The following IMMP2L variants were observed in gnomAD, a reference collection of about 807,000 sequenced individuals.
IMMP2L encodes inner mitochondrial membrane peptidase subunit 2.
IMMP2L carries 18 observed loss-of-function variants against 19.3 expected under a neutral mutation model. The ratio of observed to expected loss-of-function variants is 0.93; its 90% CI spans 0.64 to 1.38. The LOEUF is 1.38. IMMP2L is among the 40% of genes most tolerant of loss of function. The pLI is 0.00. For missense variants in IMMP2L, 233 were observed against 218.2 expected, an observed-to-expected ratio of 1.07 and a Z score of -0.43; for synonymous variants, 76 against 73.0, an observed-to-expected ratio of 1.04 and a Z score of -0.21.
At chr7:110,750,036 C>T (rs1797625923) in intron 5 of IMMP2L, among the ~76,000 whole-genome samples, 1 of 151,948 alleles carries the variant, frequency 6.6e-6, no homozygotes, top group Non-Finnish European at 1.5e-5. Flanking sequence ...AAATATGTCA[C>T]TAAAATAAAA....
intron 3 of IMMP2L, among the ~76,000 whole-genome samples, chr7:111,281,049 A>G (rs377128075): frequency 6.6e-6 from 1 of 151,090 alleles, no homozygotes; most frequent in Non-Finnish European, 1.5e-5. Context: ...CAGCCTGGGC[A>G]ACAGAGCGAG....
Position 111,482,091 on chromosome 7 carries a change from G to T in IMMP2L, c.239+5147C>A, listed in dbSNP as rs1842241351. Among the ~76,000 whole-genome samples the T allele has an allele frequency of 2.0e-5, 3 of 152,114 alleles. No individual in the cohort carries two copies. The South Asian group carries it at 6.2e-4, about 32-fold the overall frequency. ...TAGCATTTTAGTAATATATTTATTT[G>T]CATGAATATATCCAAATTATTATGA... On this transcript the variant is annotated intron_variant, in intron 3 of 5. Coordinates refer to ENST00000405709, the MANE Select transcript of IMMP2L (RefSeq NM_032549.4).
chr7:110,742,067 C>T (rs1797023903), intron 5 of IMMP2L, among the ~76,000 whole-genome samples: 2 of 152,092 alleles, frequency 1.3e-5, no homozygotes, highest in South Asian at 4.1e-4. Context: ...AGGCTAGACG[C>T]TTAACGTAGC....
chr7:111,517,461 GATA>G (rs1016283974), intron 2 of IMMP2L, among the ~76,000 whole-genome samples: 65 of 138,920 alleles, frequency 4.7e-4, no homozygotes, highest in African/African-American at 1.6e-3. Flanking sequence ...AAAAAAAAAA[GATA>G]ATGACACAAA....
intron 3 of IMMP2L, among the ~76,000 whole-genome samples, chr7:111,352,411 G>T (rs1456273889): frequency 1.5e-5 from 2 of 135,808 alleles, no homozygotes; most frequent in Admixed American, 7.9e-5. Flanking sequence ...GTATCACTGT[G>T]TTGACCAGGC....
chr7:110,960,187 C>G (rs1818787904), intron 4 of IMMP2L, among the ~76,000 whole-genome samples: 1 of 151,806 alleles, frequency 6.6e-6, no homozygotes, highest in Non-Finnish European at 1.5e-5. Context: ...TTAAAAATAG[C>G]TTTATTAAGA....
At chr7:111,292,546 C>A (rs1563020604) in intron 3 of IMMP2L, among the ~76,000 whole-genome samples, 1 of 151,886 alleles carries the variant, frequency 6.6e-6, no homozygotes, top group Non-Finnish European at 1.5e-5. Flanking sequence ...TTCCAGAGTA[C>A]TGGCATCCTA....
At chr7:111,500,353 T>C (rs1190965193) in intron 2 of IMMP2L, among the ~76,000 whole-genome samples, 1 of 152,202 alleles carries the variant, frequency 6.6e-6, no homozygotes, top group Non-Finnish European at 1.5e-5. Flanking sequence ...GAGGCCTGCC[T>C]GCCTCTGTAG....
chr7:111,268,728 G>T (rs1348059089), intron 3 of IMMP2L, among the ~76,000 whole-genome samples: 1 of 150,404 alleles, frequency 6.6e-6, no homozygotes, highest in Non-Finnish European at 1.5e-5. Flanking sequence ...CCAATAGCTG[G>T]GACCACAGGC....
intron 3 of IMMP2L, among the ~76,000 whole-genome samples, chr7:111,204,743 A>C (rs1586819248): frequency 6.6e-6 from 1 of 152,314 alleles, no homozygotes; most frequent in East Asian, 1.9e-4. Flanking sequence ...TCCCCCATTT[A>C]AAGATAAAGA....
chr7:110,879,466 C>G (rs116895331), intron 5 of IMMP2L, among the ~76,000 whole-genome samples: 3,903 of 152,068 alleles, frequency 0.026, 68 homozygotes, highest in Middle Eastern at 0.075. Context: ...CTGTATGCTC[C>G]CACTCTGCTT....
chr7:111,529,393 T>A (rs1436568980), intron 1 of IMMP2L, among the ~76,000 whole-genome samples: 1 of 152,182 alleles, frequency 6.6e-6, no homozygotes, highest in Non-Finnish European at 1.5e-5. Context: ...GAAAGCAATT[T>A]AAAAAATTTT....
chr7:111,349,406 A>T (rs1488343592), intron 3 of IMMP2L, among the ~76,000 whole-genome samples: 1 of 152,060 alleles, frequency 6.6e-6, no homozygotes, highest in Non-Finnish European at 1.5e-5. Context: ...CTCACTATGG[A>T]AAAAAAAGTG....
intron 3 of IMMP2L, among the ~76,000 whole-genome samples, chr7:111,017,768 G>A (rs1193039222): frequency 6.6e-6 from 1 of 152,110 alleles, no homozygotes; most frequent in African/African-American, 2.4e-5. Context: ...GGCTCACAAA[G>A]ATCCAGACAA....
chr7:110,768,459 G>C (rs977611288), intron 5 of IMMP2L, among the ~76,000 whole-genome samples: 14 of 152,088 alleles, frequency 9.2e-5, no homozygotes, highest in African/African-American at 3.1e-4. Flanking sequence ...GTTTTAAGTA[G>C]AGAGAGGAGT....
intron 3 of IMMP2L, among the ~76,000 whole-genome samples, chr7:111,440,530 A>C (rs1465370774): frequency 6.6e-6 from 1 of 151,886 alleles, no homozygotes; most frequent in African/African-American, 2.4e-5. Flanking sequence ...TGAGCCTAAA[A>C]TATTCCACAA....
intron 5 of IMMP2L, among the ~76,000 whole-genome samples, chr7:110,813,739 C>T (rs1802219824): frequency 1.3e-5 from 1 of 76,622 alleles, no homozygotes; most frequent in Non-Finnish European, 2.5e-5. Context: ...TCTAAGCAAA[C>T]ACACCAGGAT....
intron 5 of IMMP2L, among the ~76,000 whole-genome samples, chr7:110,761,810 G>A (rs886584679): frequency 2.0e-5 from 3 of 152,160 alleles, no homozygotes; most frequent in African/African-American, 7.2e-5. Context: ...TCTATGCCAT[G>A]CTGAGTATAA....
At chr7:110,714,370 G>A (rs1795101683) in intron 5 of IMMP2L, among the ~76,000 whole-genome samples, 1 of 152,136 alleles carries the variant, frequency 6.6e-6, no homozygotes, top group African/African-American at 2.4e-5. Flanking sequence ...GATAAGCATA[G>A]GCAATGAGTT....
Sources: allele counts gnomAD v4.1 joint callset (sites outside exome capture counted in the v4.1 genomes callset), GRCh38; gene constraint gnomAD v4.1.1; transcripts MANE v1.5; gene names NCBI Gene and HGNC (gene_info 2026-07-23, HGNC 2026-07-21).